The following FSTL5 variants were observed in gnomAD, a reference collection of about 807,000 sequenced individuals.
FSTL5 encodes follistatin like 5.
A neutral mutation model predicts 89.1 loss-of-function variants in FSTL5; 62 were observed. The ratio of observed to expected loss-of-function variants is 0.70; its 90% CI spans 0.57 to 0.86. The LOEUF is 0.86. Among genes scored for constraint, FSTL5 ranks in the 40% least tolerant of loss-of-function variants. The pLI is 0.00. For missense variants in FSTL5, 1,057 were observed against 1,001.6 expected, an observed-to-expected ratio of 1.06 and a Z score of -0.75; for synonymous variants, 383 against 346.2, an observed-to-expected ratio of 1.11 and a Z score of -1.18.
At chr4:162,129,565 A>G (rs1732216396) in intron 1 of FSTL5, among the ~76,000 whole-genome samples, 1 of 152,222 alleles carries the variant, frequency 6.6e-6, no homozygotes, top group Admixed American at 6.5e-5. Context: ...TGTCCCAGAG[A>G]AGGGACTTAA....
At chr4:161,528,175 T>C (rs1731294461) in intron 10 of FSTL5, among the ~76,000 whole-genome samples, 1 of 115,134 alleles carries the variant, frequency 8.7e-6, no homozygotes, top group African/African-American at 2.9e-5. Context: ...GGGATAACTT[T>C]AGGAGATATA....
At chr4:161,717,015 T>C (rs1237450174) in intron 6 of FSTL5, among the ~76,000 whole-genome samples, 3 of 152,318 alleles carry the variant, frequency 2.0e-5, no homozygotes, top group South Asian at 2.1e-4. Context: ...AGGTTAGATA[T>C]ACAAATATTG....
chr4:162,153,715 TATA>T (rs538809951), intron 1 of FSTL5, among the ~76,000 whole-genome samples: 217 of 135,006 alleles, frequency 1.6e-3, no homozygotes, highest in African/African-American at 5.8e-3. Context: ...TATATATGTA[TATA>T]ATAATATATG....
At chr4:161,793,876 T>C (rs1729551079) in intron 4 of FSTL5, among the ~76,000 whole-genome samples, 1 of 152,164 alleles carries the variant, frequency 6.6e-6, no homozygotes, top group Non-Finnish European at 1.5e-5. Context: ...CCCAAAGTGC[T>C]GGGATTACAG....
At chr4:161,482,461 T>C (rs1183160998) in intron 12 of FSTL5, among the ~76,000 whole-genome samples, 1 of 152,218 alleles carries the variant, frequency 6.6e-6, no homozygotes, top group African/African-American at 2.4e-5. Flanking sequence ...TTGTTATCTC[T>C]AAGCTAATTT....
chr4:161,593,241 T>C (rs1733892418), intron 7 of FSTL5, among the ~76,000 whole-genome samples: 1 of 152,136 alleles, frequency 6.6e-6, no homozygotes, highest in Non-Finnish European at 1.5e-5. Context: ...GAATTGTGAT[T>C]TTTTTAAAAA....
intron 7 of FSTL5, among the ~76,000 whole-genome samples, chr4:161,637,482 T>C (rs529235255): frequency 6.6e-6 from 1 of 152,068 alleles, no homozygotes; most frequent in Non-Finnish European, 1.5e-5. Flanking sequence ...ATCTCATTTG[T>C]CAATTTTGTC....
At chr4:161,797,673 T>C (rs1729672577) in intron 4 of FSTL5, among the ~76,000 whole-genome samples, 1 of 151,610 alleles carries the variant, frequency 6.6e-6, no homozygotes. Context: ...TAGGCTATTT[T>C]ACAAGTCCTC....
intron 10 of FSTL5, among the ~76,000 whole-genome samples, chr4:161,518,479 C>T (rs1395862516): frequency 2.0e-5 from 3 of 152,066 alleles, no homozygotes; most frequent in African/African-American, 7.2e-5. Flanking sequence ...CAAGAAAAGT[C>T]GGAAGTTGTC....
intron 4 of FSTL5, among the ~76,000 whole-genome samples, chr4:161,873,118 C>T (rs1732328069): frequency 6.6e-6 from 1 of 152,112 alleles, no homozygotes; most frequent in Admixed American, 6.6e-5. Flanking sequence ...TGTTAAGAGG[C>T]AAAAGATAGC....
At chr4:161,800,976 G>A (rs1369550534) in intron 4 of FSTL5, among the ~76,000 whole-genome samples, 1 of 151,426 alleles carries the variant, frequency 6.6e-6, no homozygotes, top group Non-Finnish European at 1.5e-5. Flanking sequence ...TCTTTCAACG[G>A]GAGTTTGGAA....
Position 162,143,821 on chromosome 4 carries a change from T to C in FSTL5, c.-17+19794A>G, listed in dbSNP as rs28665769. ...ACACACACACACACACACACACACA[T>C]ACAAACACACACGGCAGGAAAAAAA... is the stretch of plus-strand genomic sequence containing the variant. On this transcript the variant is annotated intron_variant, in intron 1 of 15. Coordinates refer to ENST00000306100, the MANE Select transcript of FSTL5 (RefSeq NM_020116.5). 2.0e-3 allele frequency among the ~76,000 whole-genome samples: 135 copies of C among 65,878 alleles called. 1 individual carries two copies. The highest frequency in any genetic ancestry group is 6.4e-3 in the African/African-American group (119 of 18,496). The allele number at this position is 65,878 out of a possible 152,430, so 43.2% of individuals were successfully genotyped here. A position where few individuals can be genotyped will look rare whatever the true frequency, so the allele number is the denominator to read the frequency against.
intron 3 of FSTL5, among the ~76,000 whole-genome samples, chr4:161,994,202 G>A (rs1392812697): frequency 4.6e-5 from 7 of 152,054 alleles, no homozygotes; most frequent in Admixed American, 2.0e-4. Context: ...CTCCATCCAC[G>A]TTCCTGCAAA....
intron 1 of FSTL5, among the ~76,000 whole-genome samples, chr4:162,142,868 C>A (rs1422731674): frequency 6.6e-6 from 1 of 152,128 alleles, no homozygotes; most frequent in Admixed American, 6.5e-5. Flanking sequence ...TCTGTGTAAT[C>A]TTTCCTTCAT....
chr4:161,855,452 T>C (rs573287921), intron 4 of FSTL5, among the ~76,000 whole-genome samples: 9 of 152,226 alleles, frequency 5.9e-5, no homozygotes, highest in African/African-American at 2.2e-4. Flanking sequence ...GAATACTAAA[T>C]AATAATTTGT....
chr4:161,569,962 C>T lies in FSTL5; in HGVS notation c.1015+17493G>A, dbSNP rs190626416. Among the ~76,000 whole-genome samples, 319 of 152,244 alleles carry T rather than the reference C, an allele frequency of 2.1e-3. 2 individuals are homozygous for T. Among genetic ancestry groups the T allele is most frequent in the Non-Finnish European group, 3.9e-3 (265 of 68,018 alleles). ...AGGGAGGGAGGAGAAAGAATGGATA[C>T]GTCAAAGCTTTCCAGAACCAGGAGC... On this transcript the variant is annotated intron_variant, in intron 8 of 15. Coordinates refer to ENST00000306100, the MANE Select transcript of FSTL5 (RefSeq NM_020116.5).
chr4:161,645,947 G>A (rs1182405118), intron 7 of FSTL5, among the ~76,000 whole-genome samples: 1 of 151,630 alleles, frequency 6.6e-6, no homozygotes, highest in Non-Finnish European at 1.5e-5. Flanking sequence ...ATTATTTATA[G>A]TCTAGAGAAG....
At chr4:162,114,273 C>T (rs1181713924) in intron 1 of FSTL5, among the ~76,000 whole-genome samples, 1 of 151,770 alleles carries the variant, frequency 6.6e-6, no homozygotes, top group Non-Finnish European at 1.5e-5. Context: ...ATATTAAATC[C>T]AAGATAGAGC....
At chr4:162,162,363 C>T (rs533220979) in intron 1 of FSTL5, among the ~76,000 whole-genome samples, 1 of 152,200 alleles carries the variant, frequency 6.6e-6, no homozygotes, top group South Asian at 2.1e-4. Context: ...AAGTACGAAA[C>T]AGCTTTATAT....
Sources: gnomAD v4.1 joint callset for allele counts (sites outside exome capture counted in the v4.1 genomes callset) on GRCh38, gnomAD v4.1.1 for gene constraint, MANE v1.5 for transcripts, NCBI Gene and HGNC (gene_info 2026-07-23, HGNC 2026-07-21) for gene names.